The following RAB38 variants were observed in gnomAD, a reference collection of about 807,000 sequenced individuals.
RAB38 encodes the protein ras-related protein Rab-38.
A neutral mutation model predicts 18.4 loss-of-function variants in RAB38; 15 were observed. The ratio of observed to expected loss-of-function variants is 0.82; its 90% CI spans 0.55 to 1.26. The LOEUF (loss-of-function observed/expected upper bound fraction) is 1.26. RAB38 is among the 50% of genes most tolerant of loss of function. The pLI is 0.00. For synonymous variants in RAB38, 101 were observed against 104.4 expected, an observed-to-expected ratio of 0.97 and a Z score of 0.20; for missense variants, 294 against 267.4, an observed-to-expected ratio of 1.10 and a Z score of -0.69.
the RAB38 span, among the ~76,000 whole-genome samples, chr11:87,906,823 T>C: frequency 6.6e-6 from 1 of 151,904 alleles, no homozygotes; most frequent in African/African-American, 2.4e-5. Context: ...CTAGCTTGCT[T>C]TTATTCACCC....
the RAB38 span, among the ~76,000 whole-genome samples, chr11:87,977,973 A>C: frequency 1.8e-5 from 2 of 112,194 alleles, no homozygotes; most frequent in South Asian, 2.7e-4. Flanking sequence ...AAGATATATT[A>C]TATAAATACA....
chr11:88,065,353 C>T, the RAB38 span, among the ~76,000 whole-genome samples: 2 of 152,214 alleles, frequency 1.3e-5, no homozygotes, highest in African/African-American at 4.8e-5. Context: ...CCTTAAACCC[C>T]AATTTTAATA....
the RAB38 span, among the ~76,000 whole-genome samples, chr11:87,868,420 C>T: frequency 2.0e-5 from 3 of 151,584 alleles, no homozygotes; most frequent in Non-Finnish European, 3.0e-5. Context: ...GCCTGAAAAA[C>T]CATGAGCCAA....
the RAB38 span, among the ~76,000 whole-genome samples, chr11:88,022,749 T>G: frequency 6.6e-6 from 1 of 152,200 alleles, no homozygotes; most frequent in Admixed American, 6.5e-5. Flanking sequence ...CATACAGTAT[T>G]CCATGGTGTA....
the RAB38 span, among the ~76,000 whole-genome samples, chr11:87,850,859 T>C: frequency 6.6e-6 from 1 of 152,302 alleles, no homozygotes; most frequent in Admixed American, 6.5e-5. Flanking sequence ...CACCTTTCTT[T>C]AACTCACTTA....
At chr11:87,877,595 A>G in the RAB38 span, among the ~76,000 whole-genome samples, 1 of 151,632 alleles carries the variant, frequency 6.6e-6, no homozygotes, top group East Asian at 2.0e-4. Context: ...AATTATTCAT[A>G]TTCAACCTCC....
the RAB38 span, among the ~76,000 whole-genome samples, chr11:87,889,486 A>C: frequency 1.3e-5 from 2 of 151,940 alleles, no homozygotes; most frequent in African/African-American, 4.8e-5. Context: ...TAATTATTAT[A>C]GTTATCAATA....
At chr11:88,104,266 C>T in the RAB38 span, among the ~76,000 whole-genome samples, 31 of 151,876 alleles carry the variant, frequency 2.0e-4, no homozygotes, top group East Asian at 5.1e-3. Context: ...AATTGATCTC[C>T]TTTTACTAGT....
At chr11:88,028,464 T>G in the RAB38 span, among the ~76,000 whole-genome samples, 10,977 of 151,994 alleles carry the variant, frequency 0.072, 644 homozygotes, top group African/African-American at 0.14. Context: ...CAAAGGCAAA[T>G]AAGTTGAAAA....
the RAB38 span, among the ~76,000 whole-genome samples, chr11:87,824,134 A>G: frequency 4.9e-4 from 75 of 152,314 alleles, no homozygotes; most frequent in African/African-American, 1.4e-3. Flanking sequence ...CTTCCCCAGC[A>G]TGGTGGGAGG....
At chr11:88,120,821 T>C (rs1190320409) in intron 2 of RAB38, among the ~76,000 whole-genome samples, 2 of 152,122 alleles carry the variant, frequency 1.3e-5, no homozygotes, top group Admixed American at 6.6e-5. Context: ...CCAAAAGTTC[T>C]CCCTCCCATC....
chr11:88,122,875 T>C (rs1356411944), intron 2 of RAB38, among the ~76,000 whole-genome samples: 1 of 152,142 alleles, frequency 6.6e-6, no homozygotes, highest in Non-Finnish European at 1.5e-5. Context: ...CCAAATACAG[T>C]AGGATAAAAT....
rs755523753 is a variant in RAB38 at position 88,149,745 on chromosome 11, T to C, written c.413A>G (p.Asn138Ser). The part of the protein sequence containing the change: ...KCDQGKDVLM[N>S]NGLKMDQFCK... ...GAACTGGTCCATCTTGAGGCCATTG[T>C]TCATGAGCACATCCTTCCCCTGGTC... The change falls in exon 2 of 3, where the codon AAC becomes AGC. Residue 138 changes from asparagine to serine, a missense_variant. Asn to Ser is a conservative substitution (Grantham distance 46). Coordinates refer to ENST00000243662, the MANE Select transcript of RAB38 (RefSeq NM_022337.3). 2 of 1,614,196 alleles carry C rather than the reference T, an allele frequency of 1.2e-6. No individual in the cohort carries two copies. The highest frequency in any genetic ancestry group is 1.7e-5 in the Admixed American group (1 of 60,020).
intron 2 of RAB38, among the ~76,000 whole-genome samples, chr11:88,133,698 A>C (rs1231274887): frequency 6.6e-6 from 1 of 152,250 alleles, no homozygotes; most frequent in Non-Finnish European, 1.5e-5. Context: ...AGTTTTGATT[A>C]TTTAAAGAGA....
At chr11:88,023,121 A>T in the RAB38 span, among the ~76,000 whole-genome samples, 1 of 152,138 alleles carries the variant, frequency 6.6e-6, no homozygotes, top group South Asian at 2.1e-4. Flanking sequence ...CTACCTATGT[A>T]ATAAACTTGA....
the RAB38 span, among the ~76,000 whole-genome samples, chr11:87,935,051 C>T: frequency 1.3e-5 from 2 of 151,976 alleles, no homozygotes; most frequent in Non-Finnish European, 2.9e-5. Flanking sequence ...TCGGGAAGGG[C>T]GGGTCTCTCC....
At chr11:87,809,751 G>A in the RAB38 span, among the ~76,000 whole-genome samples, 1 of 151,884 alleles carries the variant, frequency 6.6e-6, no homozygotes, top group African/African-American at 2.4e-5. Context: ...TTATTTTTCT[G>A]TCATTTTATC....
chr11:88,099,353 A>G, the RAB38 span, among the ~76,000 whole-genome samples: 1 of 91,284 alleles, frequency 1.1e-5, no homozygotes, highest in East Asian at 5.9e-4. Flanking sequence ...TTTCCTTGTT[A>G]TGTTATTTTG....
the RAB38 span, among the ~76,000 whole-genome samples, chr11:87,967,280 T>A: frequency 1.3e-5 from 2 of 152,172 alleles, no homozygotes; most frequent in African/African-American, 4.8e-5. Flanking sequence ...AAATAACCCA[T>A]GAATTGACTA....
Sources: allele counts gnomAD v4.1 joint callset (sites outside exome capture counted in the v4.1 genomes callset), GRCh38; gene constraint gnomAD v4.1.1; transcripts MANE v1.5; gene names NCBI Gene and HGNC (gene_info 2026-07-23, HGNC 2026-07-21).